Variants in DYM observed in about 807,000 individuals in gnomAD.
DYM encodes the protein dymeclin, also known as dyggve-Melchior-Clausen syndrome protein.
Under a neutral mutation model 93.1 loss-of-function variants are expected in DYM, and 78 were observed. The ratio of observed to expected loss-of-function variants is 0.84; its 90% CI spans 0.70 to 1.01. The LOEUF is 1.01. Among genes scored for constraint, DYM ranks in the 50% least tolerant of loss-of-function variants. DYM has a pLI of 0.00. For missense variants in DYM, 789 were observed against 845.0 expected (o/e 0.93, Z 0.82); for synonymous variants, 321 against 319.7 (o/e 1.00, Z -0.04).
intron 2 of DYM, among the ~76,000 whole-genome samples, chr18:49,394,056 G>A (rs2069731711): frequency 6.6e-6 from 1 of 151,958 alleles, no homozygotes. Flanking sequence ...AGAGATGGAT[G>A]GTGTTAATGA....
At chr18:49,202,554 C>G (rs1455512412) in intron 14 of DYM, among the ~76,000 whole-genome samples, 1 of 131,132 alleles carries the variant, frequency 7.6e-6, no homozygotes, top group Non-Finnish European at 1.6e-5. Context: ...TGAGGAGCGC[C>G]TCTTCCCAGC....
At chr18:49,270,616 T>C (rs1360426605) in intron 11 of DYM, among the ~76,000 whole-genome samples, 2 of 152,190 alleles carry the variant, frequency 1.3e-5, no homozygotes, top group Non-Finnish European at 2.9e-5. Context: ...ATGATGGATA[T>C]GCTAATTTAC....
intron 17 of DYM, among the ~76,000 whole-genome samples, chr18:49,051,953 T>C (rs2072497346): frequency 1.3e-5 from 2 of 152,360 alleles, no homozygotes; most frequent in East Asian, 1.9e-4. Flanking sequence ...CCCCGAACCA[T>C]AGCGCCAGCT....
At chr18:49,338,894 C>A (rs1379808758) in intron 6 of DYM, among the ~76,000 whole-genome samples, 2 of 152,096 alleles carry the variant, frequency 1.3e-5, no homozygotes, top group South Asian at 2.1e-4. Flanking sequence ...AAAAATTACA[C>A]ATTAAATTAC....
At chr18:49,107,973 C>T (rs1190266764) in intron 16 of DYM, among the ~76,000 whole-genome samples, 1 of 152,238 alleles carries the variant, frequency 6.6e-6, no homozygotes, top group Admixed American at 6.5e-5. Flanking sequence ...GATTCTGCTG[C>T]CTTTTGTTTG....
chr18:49,423,980 T>TGGTA (rs1333946005), intron 2 of DYM, among the ~76,000 whole-genome samples: 1 of 152,216 alleles, frequency 6.6e-6, no homozygotes, highest in Non-Finnish European at 1.5e-5. Context: ...AAAGAGGAGC[T>TGGTA]GGTACCATTC....
intron 15 of DYM, among the ~76,000 whole-genome samples, chr18:49,121,590 A>G (rs984223676): frequency 3.9e-5 from 6 of 152,186 alleles, no homozygotes; most frequent in Admixed American, 3.3e-4. Context: ...ACAAAAACCA[A>G]AAGAACCCAT....
At chr18:49,196,438 TACACAC>T (rs35296321) in intron 14 of DYM, among the ~76,000 whole-genome samples, 199 of 149,566 alleles carry the variant, frequency 1.3e-3, no homozygotes, top group Middle Eastern at 7.0e-3. Flanking sequence ...GATCAGTGGT[TACACAC>T]ACACACACAC....
chr18:49,277,293 T>C (rs1298184642), intron 10 of DYM, among the ~76,000 whole-genome samples: 2 of 152,168 alleles, frequency 1.3e-5, no homozygotes, highest in African/African-American at 4.8e-5. Flanking sequence ...TTTGCTTAGA[T>C]GTTTTAGGGA....
chr18:49,237,524 G>A (rs1341620759), intron 13 of DYM, among the ~76,000 whole-genome samples: 2 of 152,088 alleles, frequency 1.3e-5, no homozygotes, highest in South Asian at 4.1e-4. Flanking sequence ...CTTCAAGTTT[G>A]TCTCTATTTT....
chr18:49,442,857 C>T (rs2081767289), intron 1 of DYM, among the ~76,000 whole-genome samples: 1 of 151,556 alleles, frequency 6.6e-6, no homozygotes, highest in Non-Finnish European at 1.5e-5. Context: ...AGAATGATTC[C>T]TACTTTTTTT....
chr18:49,108,753 G>A (rs1451821828), intron 16 of DYM, among the ~76,000 whole-genome samples: 1 of 152,126 alleles, frequency 6.6e-6, no homozygotes, highest in Non-Finnish European at 1.5e-5. Context: ...TATTGTTTGG[G>A]TCTTCTGTAT....
intron 6 of DYM, among the ~76,000 whole-genome samples, chr18:49,341,537 A>C (rs2064143570): frequency 6.6e-6 from 1 of 151,676 alleles, no homozygotes; most frequent in African/African-American, 2.4e-5. Flanking sequence ...GATAAAATAA[A>C]AAGCAAGGTC....
Position 49,363,169 on chromosome 18 carries a change from A to G in DYM, c.486T>C (p.Ile162=). ...LCCLMQLITD[I]PLLDITYEIS... ...GCCTAGCCAGAACTTACAAGAGTGG[A>G]ATATCAGTGATCAACTGCATCAAAC... The change falls in exon 6 of 18, where the codon ATT becomes ATC. Residue 162 remains isoleucine, a synonymous_variant. Coordinates refer to ENST00000675505, the MANE Select transcript of DYM (RefSeq NM_001353214.3). The G allele has an allele frequency of 1.9e-6, 3 of 1,613,322 alleles. No homozygotes were observed. The highest frequency in any genetic ancestry group is 2.5e-6 in the Non-Finnish European group (3 of 1,179,312).
At chr18:49,330,371 A>T (rs2063222048) in intron 8 of DYM, among the ~76,000 whole-genome samples, 1 of 152,156 alleles carries the variant, frequency 6.6e-6, no homozygotes, top group Non-Finnish European at 1.5e-5. Flanking sequence ...TTCTAATTAG[A>T]TAGACAAGGA....
intron 14 of DYM, among the ~76,000 whole-genome samples, chr18:49,181,844 T>C (rs2089956508): frequency 6.6e-6 from 1 of 152,126 alleles, no homozygotes; most frequent in Non-Finnish European, 1.5e-5. Flanking sequence ...TTTATTTTAT[T>C]TTGGGCTTAA....
At chr18:49,057,974 A>G (rs73439648) in intron 17 of DYM, among the ~76,000 whole-genome samples, 16,581 of 152,260 alleles carry the variant, frequency 0.11, 1,238 homozygotes, top group East Asian at 0.26. Flanking sequence ...GAGGTGGTGC[A>G]GGCAGGGCTG....
intron 11 of DYM, among the ~76,000 whole-genome samples, chr18:49,267,134 A>G (rs937328145): frequency 3.3e-5 from 5 of 152,104 alleles, no homozygotes; most frequent in Non-Finnish European, 7.4e-5. Context: ...GAATAGACAC[A>G]TTATCAGCAT....
At chr18:49,382,668 C>T (rs2068166796) in intron 3 of DYM, among the ~76,000 whole-genome samples, 1 of 147,450 alleles carries the variant, frequency 6.8e-6, no homozygotes, top group South Asian at 2.2e-4. Flanking sequence ...AGCTGTAGAA[C>T]ACTTGGCAAC....
Sources: gnomAD v4.1 joint callset for allele counts (sites outside exome capture counted in the v4.1 genomes callset) on GRCh38, gnomAD v4.1.1 for gene constraint, MANE v1.5 for transcripts, NCBI Gene and HGNC (gene_info 2026-07-23, HGNC 2026-07-21) for gene names.